CTNNA2: variants seen among roughly 807,000 people sequenced by gnomAD.
CTNNA2 encodes the protein catenin alpha-2.
Under a neutral mutation model 101.0 loss-of-function variants are expected in CTNNA2, and 42 were observed. The observed-to-expected ratio is 0.42, with a 90% CI of 0.32 to 0.54. The LOEUF is 0.54. Among genes scored for constraint, CTNNA2 ranks in the 20% least tolerant of loss-of-function variants. The pLI is 0.14. For synonymous variants in CTNNA2, 450 were observed against 456.4 expected, an observed-to-expected ratio of 0.99 and a Z score of 0.18; for missense variants, 871 against 1,223.1, an observed-to-expected ratio of 0.71 and a Z score of 4.29.
intron 1 of CTNNA2, among the ~76,000 whole-genome samples, chr2:79,555,387 G>C (rs1674380276): frequency 6.6e-6 from 1 of 152,016 alleles, no homozygotes. Flanking sequence ...ATCACTTTAA[G>C]GAATAAGACA....
chr2:80,467,495 CA>C (rs1379080112), intron 9 of CTNNA2, among the ~76,000 whole-genome samples: 1 of 152,052 alleles, frequency 6.6e-6, no homozygotes, highest in Non-Finnish European at 1.5e-5. Context: ...ATAAAAGTTG[CA>C]AAAAACCCCA....
intron 2 of CTNNA2, among the ~76,000 whole-genome samples, chr2:79,696,933 T>G (rs1473566480): frequency 6.6e-6 from 1 of 151,962 alleles, no homozygotes; most frequent in Non-Finnish European, 1.5e-5. Context: ...AGACTTTAAT[T>G]GCTATCTCTT....
chr2:80,106,816 A>T (rs540046614), intron 7 of CTNNA2, among the ~76,000 whole-genome samples: 1 of 152,186 alleles, frequency 6.6e-6, no homozygotes, highest in South Asian at 2.1e-4. Context: ...AGATGAGGCC[A>T]GGATATTCAC....
chr2:80,217,166 A>G (rs997420286), intron 7 of CTNNA2, among the ~76,000 whole-genome samples: 2 of 152,150 alleles, frequency 1.3e-5, no homozygotes, highest in Non-Finnish European at 2.9e-5. Flanking sequence ...CAAAATGATA[A>G]TGAACCAGAT....
chr2:80,384,180 G>A (rs1166079442), intron 7 of CTNNA2, among the ~76,000 whole-genome samples: 1 of 152,138 alleles, frequency 6.6e-6, no homozygotes, highest in African/African-American at 2.4e-5. Flanking sequence ...TGGAGGGTGG[G>A]AGGAAGGAGA....
intron 12 of CTNNA2, 113 bp downstream of exon 12, chr2:80,556,006 A>T (rs1368269927): frequency 3.0e-6 from 2 of 658,422 alleles, no homozygotes; most frequent in East Asian, 6.1e-5. Context: ...AATTGCACAT[A>T]ATTGTGGAAT....
chr2:80,264,629 C>T (rs1293631722), intron 7 of CTNNA2, among the ~76,000 whole-genome samples: 1 of 152,116 alleles, frequency 6.6e-6, no homozygotes, highest in East Asian at 1.9e-4. Context: ...AATCCCTTAG[C>T]TTTTCTCCCT....
intron 7 of CTNNA2, among the ~76,000 whole-genome samples, chr2:80,134,510 A>C (rs142618282): frequency 6.6e-6 from 1 of 152,164 alleles, no homozygotes; most frequent in African/African-American, 2.4e-5. Flanking sequence ...AACTTCATCC[A>C]TGTGACCCTG....
intron 7 of CTNNA2, among the ~76,000 whole-genome samples, chr2:80,173,444 CA>C (rs1197395526): frequency 6.6e-6 from 1 of 152,060 alleles, no homozygotes; most frequent in Non-Finnish European, 1.5e-5. Flanking sequence ...TTCATTTGAA[CA>C]GAGAAATTAG....
chr2:79,282,492 G>A (rs1558600670), intron 2 of CTNNA2, among the ~76,000 whole-genome samples: 1 of 151,742 alleles, frequency 6.6e-6, no homozygotes, highest in Non-Finnish European at 1.5e-5. Flanking sequence ...CCACCTATGA[G>A]TGAGAATATG....
intron 2 of CTNNA2, among the ~76,000 whole-genome samples, chr2:79,240,912 G>T (rs958685362): frequency 6.6e-6 from 1 of 152,026 alleles, no homozygotes; most frequent in Non-Finnish European, 1.5e-5. Context: ...ATCTTCTTTG[G>T]GGACCCTGCC....
intron 1 of CTNNA2, among the ~76,000 whole-genome samples, chr2:79,550,315 G>T (rs1215855714): frequency 1.3e-5 from 2 of 152,136 alleles, no homozygotes; most frequent in East Asian, 1.9e-4. Context: ...GCAGTCACTG[G>T]ATGCTGTGTT....
At chr2:79,815,825 A>G (rs7605106) in intron 3 of CTNNA2, among the ~76,000 whole-genome samples, 29,348 of 151,602 alleles carry the variant, frequency 0.19, 3,334 homozygotes, top group African/African-American at 0.32. Flanking sequence ...TGGGAATTGC[A>G]TTGAATTTGT....
At chr2:79,944,693 C>G (rs17018194) in intron 7 of CTNNA2, among the ~76,000 whole-genome samples, 2 of 152,152 alleles carry the variant, frequency 1.3e-5, no homozygotes, top group African/African-American at 4.8e-5. Flanking sequence ...ATACCAACAT[C>G]TAAGCACATG....
At chr2:80,152,542 T>G (rs191855898) in intron 7 of CTNNA2, among the ~76,000 whole-genome samples, 8 of 152,268 alleles carry the variant, frequency 5.3e-5, no homozygotes, top group African/African-American at 1.9e-4. Flanking sequence ...TCAGAACATT[T>G]TTTTTATTAT....
intron 2 of CTNNA2, among the ~76,000 whole-genome samples, chr2:79,227,872 T>C (rs1674440721): frequency 6.6e-6 from 1 of 152,152 alleles, no homozygotes; most frequent in Non-Finnish European, 1.5e-5. Flanking sequence ...GCCATAAGCA[T>C]AGTACCCACC....
chr2:80,204,417 C>T (rs1419457212), intron 7 of CTNNA2, among the ~76,000 whole-genome samples: 2 of 152,184 alleles, frequency 1.3e-5, no homozygotes, highest in African/African-American at 4.8e-5. Flanking sequence ...GCCAGATACC[C>T]TAAATCATCC....
intron 1 of CTNNA2, among the ~76,000 whole-genome samples, chr2:79,535,928 A>G (rs1673027891): frequency 1.3e-5 from 2 of 152,152 alleles, no homozygotes; most frequent in South Asian, 4.1e-4. Flanking sequence ...AATATCACTA[A>G]TGTTTGTGGA....
chr2:80,496,246 G>T (rs182830543), intron 9 of CTNNA2, among the ~76,000 whole-genome samples: 4 of 152,230 alleles, frequency 2.6e-5, no homozygotes, highest in Admixed American at 2.6e-4. Flanking sequence ...ACAGCCCCAG[G>T]AAACTAATGT....
Sources: allele counts gnomAD v4.1 joint callset (sites outside exome capture counted in the v4.1 genomes callset), GRCh38; gene constraint gnomAD v4.1.1; transcripts MANE v1.5; gene names NCBI Gene and HGNC (gene_info 2026-07-23, HGNC 2026-07-21).